The following CORO2B variants were observed in gnomAD, a reference collection of about 807,000 sequenced individuals.
CORO2B encodes coronin-2B.
A neutral mutation model predicts 58.8 loss-of-function variants in CORO2B; 26 were observed. The observed-to-expected ratio is 0.44, with a 90% CI of 0.32 to 0.61. CORO2B has a LOEUF of 0.61. Among genes scored for constraint, CORO2B ranks in the 20% least tolerant of loss-of-function variants. The probability of loss-of-function intolerance (pLI) is 0.04; values close to 1 mark genes in which losing one functional copy is unlikely to be tolerated. For synonymous variants in CORO2B, 242 were observed against 253.8 expected (o/e 0.95, Z 0.44); for missense variants, 460 against 645.1 (o/e 0.71, Z 3.11).
At chr15:68,648,162 G>A (rs1312492588) in intron 2 of CORO2B, among the ~76,000 whole-genome samples, 1 of 147,642 alleles carries the variant, frequency 6.8e-6, no homozygotes, top group African/African-American at 2.5e-5. Context: ...GTGAAACCCC[G>A]CCTCTACTAA....
At chr15:68,584,360 A>G (rs1165333981) in intron 1 of CORO2B, among the ~76,000 whole-genome samples, 3 of 152,010 alleles carry the variant, frequency 2.0e-5, no homozygotes, top group Non-Finnish European at 4.4e-5. Context: ...CTTGACACCT[A>G]TGGCAGTTCT....
the CORO2B span, among the ~76,000 whole-genome samples, chr15:68,519,249 A>G: frequency 7.9e-5 from 12 of 152,242 alleles, no homozygotes; most frequent in Non-Finnish European, 1.6e-4. Context: ...CAGAAAGCGT[A>G]CAAATGCACA....
upstream of CORO2B, chr15:68,578,825 G>C (rs1899338631): frequency 2.3e-5 from 4 of 176,322 alleles, no homozygotes; most frequent in African/African-American, 4.8e-5. This position sits in a 1 kb window ranked among gnomAD's most constrained non-coding sequence, Gnocchi z 4.2. Flanking sequence ...TCCGGACTCC[G>C]GGAGCAGCGG....
intron 3 of CORO2B, among the ~76,000 whole-genome samples, chr15:68,700,766 T>C (rs1287000398): frequency 6.6e-6 from 1 of 152,018 alleles, no homozygotes; most frequent in Non-Finnish European, 1.5e-5. Flanking sequence ...TTTCCAAGCC[T>C]CGTGCTCCCA....
chr15:68,673,139 C>T (rs1567003807), intron 2 of CORO2B, among the ~76,000 whole-genome samples: 1 of 152,082 alleles, frequency 6.6e-6, no homozygotes, highest in Non-Finnish European at 1.5e-5. Context: ...AGAGTCTGCC[C>T]TCTTCTGCCC....
At chr15:68,713,811 T>C (rs752512624) in intron 5 of CORO2B, 114 bp from the exon 6 acceptor site, 29 of 689,274 alleles carry the variant, frequency 4.2e-5, no homozygotes, top group Non-Finnish European at 6.4e-5. Context: ...AAGGAAATAA[T>C]TGCAGGGGCC....
chr15:68,635,795 G>C (rs191687913), intron 1 of CORO2B, among the ~76,000 whole-genome samples: 58 of 152,302 alleles, frequency 3.8e-4, no homozygotes, highest in African/African-American at 1.2e-3. Context: ...TTTGTGATCT[G>C]GAGCTCCAAC....
intron 3 of CORO2B, among the ~76,000 whole-genome samples, chr15:68,699,019 A>G (rs559483602): frequency 1.3e-5 from 2 of 152,202 alleles, no homozygotes; most frequent in Non-Finnish European, 2.9e-5. Flanking sequence ...ACTTTGGAGA[A>G]GCAGGACATT....
chr15:68,714,724 C>A, intron 7 of CORO2B, 61 bp downstream of exon 7: 1 of 1,266,210 alleles, frequency 7.9e-7, no homozygotes, highest in Non-Finnish European at 1.1e-6. Context: ...CTCAATGCAC[C>A]CCTGCACCTG....
intron 1 of CORO2B, among the ~76,000 whole-genome samples, chr15:68,620,111 C>T (rs1223843008): frequency 6.6e-6 from 1 of 152,086 alleles, no homozygotes; most frequent in Admixed American, 6.5e-5. Context: ...GGGGTTTCAC[C>T]ATGTTGGCCA....
chr15:68,697,190 T>TTGGA lies in CORO2B; in HGVS notation c.333+1952_333+1955dup, dbSNP rs374285924. Reference sequence around the variant, plus strand: ...GATGGATAGATGGATGGATGGATTGTTGGATGGATGGATGGATGGATTGTT... The same window carrying TTGGA: ...GATGGATAGATGGATGGATGGATTGTTGGATGGATGGATGGATGGATGGATTGTT... On this transcript the variant is annotated intron_variant, in intron 3 of 11. Coordinates refer to ENST00000261861, the MANE Select transcript of CORO2B (RefSeq NM_006091.5). Among the ~76,000 whole-genome samples, 44 of 148,652 alleles carry TTGGA rather than the reference T, an allele frequency of 3.0e-4. 1 individual carries two copies. The highest frequency in any genetic ancestry group is 8.7e-4 in the African/African-American group (35 of 40,056).
chr15:68,631,117 C>T (rs926130431), intron 1 of CORO2B, among the ~76,000 whole-genome samples: 9 of 152,114 alleles, frequency 5.9e-5, no homozygotes, highest in African/African-American at 2.2e-4. Context: ...AGCAGATCTG[C>T]CTGCCTCCCT....
chr15:68,610,561 C>CA (rs1440527528), intron 1 of CORO2B, among the ~76,000 whole-genome samples: 6 of 152,132 alleles, frequency 3.9e-5, no homozygotes, highest in African/African-American at 1.4e-4. Context: ...CCTTCCATCA[C>CA]AAAGCCCCTC....
chr15:68,597,944 G>T (rs1031188723), intron 1 of CORO2B, among the ~76,000 whole-genome samples: 13 of 152,332 alleles, frequency 8.5e-5, no homozygotes, highest in African/African-American at 3.1e-4. Flanking sequence ...GTGACGTTTT[G>T]GAAGTTGATG....
At chr15:68,559,281 T>G in the CORO2B span, among the ~76,000 whole-genome samples, 1 of 151,916 alleles carries the variant, frequency 6.6e-6, no homozygotes. This position sits in a 1 kb window ranked among gnomAD's most constrained non-coding sequence, Gnocchi z 4.3. Flanking sequence ...AATCAGCCGG[T>G]TAATTCCCCC....
the CORO2B span, among the ~76,000 whole-genome samples, chr15:68,568,211 G>A: frequency 1.6e-4 from 25 of 152,082 alleles, no homozygotes; most frequent in African/African-American, 3.6e-4. Context: ...ACTGACCAGC[G>A]GTATGACCCA....
chr15:68,607,912 A>G (rs1336698583), intron 1 of CORO2B, among the ~76,000 whole-genome samples: 1 of 152,030 alleles, frequency 6.6e-6, no homozygotes, highest in Non-Finnish European at 1.5e-5. Context: ...ATGCCATGTG[A>G]CAAGACCCCA....
At chr15:68,714,721 C>A in intron 7 of CORO2B, 58 bp downstream of exon 7, 1 of 1,264,108 alleles carries the variant, frequency 7.9e-7, no homozygotes, top group Non-Finnish European at 1.1e-6. Context: ...ACCCTCAATG[C>A]ACCCCTGCAC....
At chr15:68,712,765 C>T (rs1892949347) in intron 5 of CORO2B, among the ~76,000 whole-genome samples, 1 of 152,110 alleles carries the variant, frequency 6.6e-6, no homozygotes, top group East Asian at 1.9e-4. Context: ...TGTTACTCCT[C>T]TCATGTGATA....
Sources: allele counts gnomAD v4.1 joint callset (sites outside exome capture counted in the v4.1 genomes callset), GRCh38; gene constraint gnomAD v4.1.1; non-coding constraint Gnocchi (gnomAD v3.1); transcripts MANE v1.5; gene names NCBI Gene and HGNC (gene_info 2026-07-23, HGNC 2026-07-21).